Variants in COL14A1 observed in about 807,000 individuals in gnomAD.
The protein encoded by COL14A1 is collagen alpha-1(XIV) chain.
In COL14A1, 136 loss-of-function variants were observed where a neutral mutation model predicts 230.3. The observed-to-expected ratio is 0.59, with a 90% confidence interval of 0.51 to 0.68. The LOEUF is 0.68. Among genes scored for constraint, COL14A1 ranks in the 30% least tolerant of loss-of-function variants. The pLI, the probability that COL14A1 is intolerant of heterozygous loss-of-function variation, is 0.00. For synonymous variants in COL14A1, 792 were observed against 784.1 expected, an observed-to-expected ratio of 1.01 and a Z score of -0.17; for missense variants, 1,976 against 2,215.8, an observed-to-expected ratio of 0.89 and a Z score of 2.17.
chr8:120,186,692 G>C (rs1436235978), intron 5 of COL14A1, among the ~76,000 whole-genome samples: 1 of 152,190 alleles, frequency 6.6e-6, no homozygotes, highest in African/African-American at 2.4e-5. Context: ...CAGGAGGAGA[G>C]AACACATTTA....
Position 120,332,079 on chromosome 8 carries a change from A to G in COL14A1, c.4660-62A>G, listed in dbSNP as rs187003798. 2.8e-3 allele frequency: 3,896 copies of G among 1,415,450 alleles called. 8 individuals are homozygous for G. Among genetic ancestry groups the G allele is most frequent in the Non-Finnish European group, 3.5e-3 (3,473 of 999,592 alleles). The allele number at this position is 1,415,450 out of a possible 1,614,324, so 87.7% of individuals were successfully genotyped here. On this transcript the variant is annotated intron_variant, in intron 40 of 47. Transcript: ENST00000297848. ...CCCAAACATGAAAAGGAACTAAATG[A>G]GCCCATTCTGAAAGCCATATAAAGC... is the stretch of plus-strand genomic sequence containing the variant.
At chr8:120,229,108 T>TATTTTATTTTATTTA (rs2130810931) in intron 18 of COL14A1, among the ~76,000 whole-genome samples, 1 of 150,482 alleles carries the variant, frequency 6.6e-6, no homozygotes, top group East Asian at 1.9e-4. Context: ...TATTTTATTT[T>TATTTTATTTTATTTA]ATTTTATTTA....
chr8:120,226,525 A>G (rs77708573), intron 15 of COL14A1, 102 bp from the exon 16 acceptor site: 32,672 of 1,274,042 alleles, frequency 0.026, 519 homozygotes, highest in Non-Finnish European at 0.03. Flanking sequence ...TTCCTAAAGC[A>G]AAAGATTCCT....
chr8:120,297,860 A>G (rs1483285975), intron 35 of COL14A1, among the ~76,000 whole-genome samples: 1 of 151,984 alleles, frequency 6.6e-6, no homozygotes. Flanking sequence ...TTAGTGTCTC[A>G]AGCTTTTTCT....
At chr8:120,224,992 G>A (rs184153681) in intron 14 of COL14A1, 96 bp from the exon 15 acceptor site, 1 of 1,179,622 alleles carries the variant, frequency 8.5e-7, no homozygotes. Context: ...AGTGTTTATA[G>A]CTTTGCTGTC....
chr8:120,225,236 T>G (rs1324971529), intron 15 of COL14A1, 22 bp downstream of exon 15: 2 of 1,607,856 alleles, frequency 1.2e-6, no homozygotes, highest in African/African-American at 1.3e-5. Flanking sequence ...CATTATGGTT[T>G]GAAAAGTTTT....
intron 19 of COL14A1, among the ~76,000 whole-genome samples, chr8:120,232,440 C>G (rs1034221294): frequency 1.3e-5 from 2 of 152,044 alleles, no homozygotes; most frequent in African/African-American, 2.4e-5. Flanking sequence ...CCAACAGGAC[C>G]CAGTGTGTAA....
intron 14 of COL14A1, among the ~76,000 whole-genome samples, chr8:120,218,305 A>G (rs1817828919): frequency 6.9e-6 from 1 of 144,460 alleles, no homozygotes; most frequent in African/African-American, 2.5e-5. Flanking sequence ...TATATAATAT[A>G]TATCATATAT....
chr8:120,144,947 TA>T (rs1011951870), intron 1 of COL14A1, among the ~76,000 whole-genome samples: 17 of 148,572 alleles, frequency 1.1e-4, no homozygotes, highest in South Asian at 4.2e-4. Flanking sequence ...TTTCTGACCT[TA>T]AAAAAAAAAT....
rs143833594 is a variant in COL14A1, at chr8:120,314,760, A to G, written c.4551+733A>G. Among the ~76,000 whole-genome samples the G allele has an allele frequency of 3.6e-4, 55 of 152,330 alleles. 1 individual carries two copies. Among genetic ancestry groups the G allele is most frequent in the African/African-American group, 1.1e-3 (47 of 41,582 alleles). On this transcript the variant is annotated intron_variant, in intron 38 of 47. Transcript: ENST00000297848. Reference sequence around the variant, plus strand: ...CATTTTAGAAAGCATTAACATGCCAATTTGTGTAATTACTACTAATAATAA... The same window carrying G: ...CATTTTAGAAAGCATTAACATGCCAGTTTGTGTAATTACTACTAATAATAA...
intron 8 of COL14A1, among the ~76,000 whole-genome samples, chr8:120,200,757 A>G (rs1357991988): frequency 4.5e-5 from 3 of 66,106 alleles, no homozygotes; most frequent in Non-Finnish European, 8.9e-5. Flanking sequence ...ATATATATAT[A>G]TATATATATT....
rs568303018 is a variant in COL14A1 at position 120,356,833 on chromosome 8, C to T, written c.5078-10338C>T. Among the ~76,000 whole-genome samples, 3 of 151,960 alleles carry T rather than the reference C, an allele frequency of 2.0e-5. No individual in the cohort carries two copies. In the East Asian group the frequency reaches 5.8e-4, roughly 29 times the overall value. ...GATGAATACAGATAGTTTTCTCTTT[C>T]TTTTTTCCACCCAGGACTCATCTGG... is the stretch of plus-strand genomic sequence containing the variant. On this transcript the variant is annotated intron_variant, in intron 45 of 47. Transcript: ENST00000297848.
chr8:120,146,411 A>C (rs933239748), intron 1 of COL14A1, among the ~76,000 whole-genome samples: 5 of 150,384 alleles, frequency 3.3e-5, no homozygotes, highest in African/African-American at 1.2e-4. Flanking sequence ...ATAAATTTTT[A>C]AGCCAAATTC....
intron 34 of COL14A1, among the ~76,000 whole-genome samples, chr8:120,291,559 CAAAA>C (rs375963111): frequency 2.4e-5 from 1 of 41,638 alleles, no homozygotes; most frequent in African/African-American, 8.5e-5. Context: ...GACTCCATCT[CAAAA>C]AAAAAAAAAA....
intron 40 of COL14A1, among the ~76,000 whole-genome samples, chr8:120,327,722 G>C (rs967361992): frequency 1.3e-5 from 2 of 151,772 alleles, no homozygotes; most frequent in Non-Finnish European, 2.9e-5. Flanking sequence ...GTGATAAGTA[G>C]AGCAGGAACC....
intron 45 of COL14A1, among the ~76,000 whole-genome samples, chr8:120,357,190 A>G (rs563674692): frequency 3.9e-4 from 60 of 152,304 alleles, no homozygotes; most frequent in African/African-American, 1.4e-3. Context: ...AGAGTCTTGC[A>G]TAAAGTTGCA....
chr8:120,143,056 T>C (rs2130441047), intron 1 of COL14A1, among the ~76,000 whole-genome samples: 1 of 152,334 alleles, frequency 6.6e-6, no homozygotes, highest in East Asian at 1.9e-4. Context: ...TATATTAATC[T>C]ACCCCACTCA....
At chr8:120,301,610 G>T (rs915641943) in intron 36 of COL14A1, among the ~76,000 whole-genome samples, 4 of 152,056 alleles carry the variant, frequency 2.6e-5, no homozygotes, top group Non-Finnish European at 5.9e-5. Flanking sequence ...GTCACTGATG[G>T]GCATTTAGGT....
intron 42 of COL14A1, among the ~76,000 whole-genome samples, chr8:120,335,768 C>T (rs1273475853): frequency 1.3e-5 from 2 of 152,162 alleles, no homozygotes; most frequent in South Asian, 2.1e-4. Flanking sequence ...GTCCTAATTC[C>T]GATCTAAGTT....
Sources: allele counts gnomAD v4.1 joint callset (sites outside exome capture counted in the v4.1 genomes callset), GRCh38; gene constraint gnomAD v4.1.1; transcripts MANE v1.5; gene names NCBI Gene and HGNC (gene_info 2026-07-23, HGNC 2026-07-21).